Variants in AKAP13 observed in about 807,000 individuals in gnomAD.
The protein encoded by AKAP13 is A-kinase anchor protein 13.
In AKAP13, 80 loss-of-function variants were observed where a neutral mutation model predicts 264.5. The ratio of observed to expected loss-of-function variants is 0.30; its 90% CI spans 0.25 to 0.36. The LOEUF is 0.36. AKAP13 is among the 10% of genes least tolerant of loss of function. AKAP13 has a pLI of 1.00. For synonymous variants in AKAP13, 1,380 were observed against 1,250.2 expected (o/e 1.10, Z -2.19); for missense variants, 3,712 against 3,435.2 (o/e 1.08, Z -2.01).
In AKAP13 at chr15:85,708,820, A is replaced by G. The variant is rs961381987; in HGVS notation, c.5532+734A>G. Among the ~76,000 whole-genome samples, 12 of 152,098 alleles carry G rather than the reference A, an allele frequency of 7.9e-5. No homozygotes were observed. Among genetic ancestry groups the G allele is most frequent in the African/African-American group, 2.9e-4 (12 of 41,418 alleles). The stretch of plus-strand genomic sequence containing the variant: ...CTGTGTGCTTCGTCAGTCACCAAAC[A>G]CAGTTATCTAGTGCCATGACCTCAA... On this transcript the variant is annotated intron_variant, in intron 18 of 36. Transcript: ENST00000394518. The surrounding 1 kb of genome is among the most constrained non-coding windows in gnomAD (Gnocchi z 4.3).
chr15:85,420,187 C>T (rs1291100401), intron 1 of AKAP13, among the ~76,000 whole-genome samples: 2 of 151,476 alleles, frequency 1.3e-5, no homozygotes, highest in South Asian at 2.1e-4. Context: ...GTGATCCGCC[C>T]GCCTCGGCCT....
At chr15:85,676,919 GA>G (rs1225674815) in intron 14 of AKAP13, 1 of 985,222 alleles carries the variant, frequency 1.0e-6, no homozygotes, top group East Asian at 1.1e-4. Context: ...CCCATGTGCT[GA>G]AGGCCCTGGC....
intron 1 of AKAP13, among the ~76,000 whole-genome samples, chr15:85,386,162 C>T (rs571079677): frequency 1.3e-5 from 2 of 152,050 alleles, no homozygotes; most frequent in African/African-American, 2.4e-5. Flanking sequence ...AGCAGAAGTT[C>T]TTAATTTTTA....
intron 18 of AKAP13, among the ~76,000 whole-genome samples, chr15:85,709,085 G>A (rs567000562): frequency 6.6e-6 from 1 of 152,170 alleles, no homozygotes; most frequent in Non-Finnish European, 1.5e-5. Flanking sequence ...TTTGGCTCAT[G>A]TAGTATTTTT....
At chr15:85,452,716 C>G (rs915252526) in intron 1 of AKAP13, among the ~76,000 whole-genome samples, 1 of 152,096 alleles carries the variant, frequency 6.6e-6, no homozygotes, top group Non-Finnish European at 1.5e-5. Context: ...GTGGACTAAA[C>G]AGTTGTTCAG....
At chr15:85,655,335 G>T in intron 10 of AKAP13, 82 bp from the exon 11 acceptor site, 1 of 1,512,570 alleles carries the variant, frequency 6.6e-7, no homozygotes, top group Non-Finnish European at 8.9e-7. Flanking sequence ...CCACTGAGAA[G>T]CCATTGGCTT....
intron 14 of AKAP13, among the ~76,000 whole-genome samples, chr15:85,673,461 G>A (rs971253399): frequency 1.3e-5 from 2 of 152,100 alleles, no homozygotes; most frequent in Non-Finnish European, 2.9e-5. Context: ...ATGAGGCTTG[G>A]TGCCTGGGAG....
intron 1 of AKAP13, among the ~76,000 whole-genome samples, chr15:85,432,947 G>GA (rs201705020): frequency 0.032 from 4,745 of 150,036 alleles, 118 homozygotes; most frequent in South Asian, 0.043. Flanking sequence ...GGAAAATATA[G>GA]AAAGAAAAAA....
chr15:85,502,054 A>C (rs1323529080), intron 2 of AKAP13, among the ~76,000 whole-genome samples: 1 of 152,172 alleles, frequency 6.6e-6, no homozygotes, highest in Non-Finnish European at 1.5e-5. Context: ...AGGAGGGCTT[A>C]TTAAAACCCA....
At chr15:85,543,674 C>T (rs1011128416) in intron 4 of AKAP13, 98 bp from the exon 5 acceptor site, 56 of 1,321,186 alleles carry the variant, frequency 4.2e-5, no homozygotes, top group Non-Finnish European at 5.6e-5. Flanking sequence ...ATCTTAGGCA[C>T]TTGGAGGCAG....
chr15:85,435,067 CTT>C (rs1315847189), intron 1 of AKAP13, among the ~76,000 whole-genome samples: 2 of 131,808 alleles, frequency 1.5e-5, no homozygotes, highest in Admixed American at 7.8e-5. Flanking sequence ...AAGTTGAAAA[CTT>C]TGAAAAAAAT....
chr15:85,539,819 G>A (rs961113806), intron 4 of AKAP13, among the ~76,000 whole-genome samples: 1 of 152,146 alleles, frequency 6.6e-6, no homozygotes, highest in African/African-American at 2.4e-5. Flanking sequence ...AGCCAACATG[G>A]GGTCTATGGA....
At chr15:85,743,983 C>G (rs900288091) in intron 36 of AKAP13, 158 bp downstream of exon 36, 1 of 825,752 alleles carries the variant, frequency 1.2e-6, no homozygotes, top group African/African-American at 1.7e-5. Flanking sequence ...GCTAAGAGCA[C>G]TCATGCAGCG....
At chr15:85,544,551 C>T (rs1175703681) in intron 5 of AKAP13, among the ~76,000 whole-genome samples, 1 of 152,068 alleles carries the variant, frequency 6.6e-6, no homozygotes, top group Non-Finnish European at 1.5e-5. Flanking sequence ...TTTTTGGGCT[C>T]AATTATTATA....
intron 5 of AKAP13, among the ~76,000 whole-genome samples, chr15:85,568,098 C>T (rs1252425532): frequency 2.0e-5 from 3 of 151,944 alleles, no homozygotes; most frequent in Non-Finnish European, 2.9e-5. Context: ...TCCAGGAGTT[C>T]ACGACCAGCC....
At chr15:85,509,484 A>C (rs927646478) in intron 2 of AKAP13, among the ~76,000 whole-genome samples, 1 of 152,024 alleles carries the variant, frequency 6.6e-6, no homozygotes, top group Non-Finnish European at 1.5e-5. Context: ...AGGATTTTAG[A>C]TTTTTTTCTT....
At chr15:85,415,730 T>G (rs1342878691) in intron 1 of AKAP13, 1 of 642,468 alleles carries the variant, frequency 1.6e-6, no homozygotes, top group Admixed American at 2.8e-5. Context: ...TTTTTTTTTT[T>G]CATTACTGTG....
intron 3 of AKAP13, among the ~76,000 whole-genome samples, chr15:85,527,741 G>A (rs996281324): frequency 2.0e-5 from 3 of 152,204 alleles, no homozygotes; most frequent in South Asian, 4.1e-4. Flanking sequence ...AAACCCAGCA[G>A]TGGGTGTATA....
intron 12 of AKAP13, among the ~76,000 whole-genome samples, chr15:85,662,617 C>T (rs1295498568): frequency 6.6e-6 from 1 of 152,214 alleles, no homozygotes; most frequent in Non-Finnish European, 1.5e-5. Context: ...GTCACTAACT[C>T]AGCTGAAGGG....
Sources: allele counts gnomAD v4.1 joint callset (sites outside exome capture counted in the v4.1 genomes callset), GRCh38; gene constraint gnomAD v4.1.1; non-coding constraint Gnocchi (gnomAD v3.1); transcripts MANE v1.5; gene names NCBI Gene and HGNC (gene_info 2026-07-23, HGNC 2026-07-21).